Variants in ARPIN observed in about 807,000 individuals in gnomAD.
ARPIN encodes the protein UPF0552 protein C15orf38.
Under a neutral mutation model 25.9 loss-of-function variants are expected in ARPIN, and 23 were observed. The observed-to-expected ratio is 0.89, with a 90% CI of 0.64 to 1.26. The LOEUF is 1.26. ARPIN is among the 50% of genes most tolerant of loss of function. The pLI, the probability that ARPIN is intolerant of heterozygous loss-of-function variation, is 0.00. For synonymous variants in ARPIN, 126 were observed against 131.4 expected, an observed-to-expected ratio of 0.96 and a Z score of 0.28; for missense variants, 333 against 312.2, an observed-to-expected ratio of 1.07 and a Z score of -0.50.
In ARPIN at chr15:89,898,113, C is replaced by CA. The variant is rs1455444738; in HGVS notation, c.*3681dup. The CA allele has an allele frequency of 0.013, 1,398 of 106,362 alleles. 12 individuals are homozygous for CA. The highest frequency in any genetic ancestry group is 0.026 in the African/African-American group (734 of 28,262). The allele number at this position is 106,362 out of a possible 1,614,324, so 6.6% of individuals were successfully genotyped here. Reference sequence around the variant, plus strand: ...GGGCAACAAGAGCGAAATTCCATCTCAAAAAAAAAAAAAAGAAAGAAAGAA... The same window carrying CA: ...GGGCAACAAGAGCGAAATTCCATCTCAAAAAAAAAAAAAAAGAAAGAAAGAA... On this transcript the variant is annotated 3_prime_UTR_variant, in exon 6 of 6. Coordinates refer to ENST00000357484, the MANE Select transcript of ARPIN (RefSeq NM_182616.4).
intron 3 of ARPIN, among the ~76,000 whole-genome samples, chr15:89,907,298 C>T (rs751967405): frequency 9.2e-5 from 14 of 152,026 alleles, no homozygotes; most frequent in Non-Finnish European, 1.9e-4. Context: ...GAACTCCTGA[C>T]CTCAAGTGAT....
chr15:89,911,345 G>A lies in ARPIN; in HGVS notation c.93-526C>T, dbSNP rs139669622. ...TTAACCCGAGGAAATGGTTATTACTGAGAGGTGAAGAAACCAAAACTCAGA... is the reference window on the plus strand; with the variant it reads ...TTAACCCGAGGAAATGGTTATTACTAAGAGGTGAAGAAACCAAAACTCAGA... On this transcript the variant is annotated intron_variant, in intron 1 of 5. Transcript: ENST00000357484. Among the ~76,000 whole-genome samples the A allele has an allele frequency of 6.6e-5, 10 of 152,222 alleles. No homozygotes were observed. In the East Asian group the frequency reaches 1.7e-3, roughly 26 times the overall value.
intron 2 of ARPIN, among the ~76,000 whole-genome samples, chr15:89,910,063 G>A (rs780301327): frequency 5.3e-5 from 8 of 152,204 alleles, no homozygotes; most frequent in Non-Finnish European, 1.0e-4. Context: ...GTGTGCTAAG[G>A]AGGGGAGGGT....
intron 1 of ARPIN, chr15:89,912,371 G>A: frequency 1.9e-6 from 2 of 1,031,416 alleles, no homozygotes; most frequent in African/African-American, 3.4e-5. Context: ...TGTCCCTTCT[G>A]GGGCAGGGCA....
Position 89,899,335 on chromosome 15 carries a change from TCGGCC to T in ARPIN, c.*2455_*2459del. On this transcript the variant is annotated 3_prime_UTR_variant, in exon 6 of 6. Transcript: ENST00000357484. ...CCTGACCTCAAGTGATCCGCCCACCTCGGCCTCCCAAAGTGCTAAGATTACAGGCG... is the reference window on the plus strand; with the variant it reads ...CCTGACCTCAAGTGATCCGCCCACCTTCCCAAAGTGCTAAGATTACAGGCG... 1 of 152,398 alleles carries T rather than the reference TCGGCC, an allele frequency of 6.6e-6. No individual in the cohort carries two copies. Among genetic ancestry groups the T allele is most frequent in the Non-Finnish European group, 1.5e-5 (1 of 68,262 alleles). 9.4% of individuals were successfully genotyped at this position (152,398 alleles called of 1,614,324 possible). A position where few individuals can be genotyped will look rare whatever the true frequency, so the allele number is the denominator to read the frequency against.
chr15:89,903,671 G>A, intron 4 of ARPIN, 106 bp downstream of exon 4: 10 of 1,525,510 alleles, frequency 6.6e-6, no homozygotes, highest in Non-Finnish European at 8.0e-6. Flanking sequence ...TGTCCCCATG[G>A]AGGCCAGCCC....
Position 89,912,850 on chromosome 15 carries a change from G to C in ARPIN, c.-15C>G, listed in dbSNP as rs780782720. On this transcript the variant is annotated 5_prime_UTR_variant, in exon 1 of 6. Coordinates refer to ENST00000357484, the MANE Select transcript of ARPIN (RefSeq NM_182616.4). ...ATGCGGCTCATTCTCCCGACCGCCC[G>C]GGCACCCCGGCACAGAGCCGGCGCA... 8 of 1,516,956 alleles carry C rather than the reference G, an allele frequency of 5.3e-6. No individual in the cohort carries two copies. The African/African-American group carries it at 5.8e-5, about 11-fold the overall frequency. 94.0% of individuals were successfully genotyped at this position (1,516,956 alleles called of 1,614,324 possible). A position where few individuals can be genotyped will look rare whatever the true frequency, so the allele number is the denominator to read the frequency against.
At chr15:89,907,601 C>T (rs1897145168) in intron 3 of ARPIN, among the ~76,000 whole-genome samples, 1 of 152,116 alleles carries the variant, frequency 6.6e-6, no homozygotes. Flanking sequence ...TCTGCTGGCA[C>T]CCTGACCTTG....
At position 89,903,765 on chromosome 15, in the gene ARPIN, T is replaced by G; in HGVS notation, c.508+12A>C. The G allele has an allele frequency of 6.2e-7, 1 of 1,613,978 alleles. No homozygotes were observed. Among genetic ancestry groups the G allele is most frequent in the Non-Finnish European group, 8.5e-7 (1 of 1,179,930 alleles). On this transcript the variant is annotated intron_variant, in intron 4 of 5. Transcript: ENST00000357484. ...AGGAACAGTGGGCCACAGTGAGGGT[T>G]GCATTGCTCACCCAGGAAGGGACCA...
intron 2 of ARPIN, 96 bp from the exon 3 acceptor site, chr15:89,908,508 C>A: frequency 1.3e-6 from 2 of 1,552,384 alleles, no homozygotes; most frequent in Non-Finnish European, 1.7e-6. Flanking sequence ...CACATCTACC[C>A]TAGAAGCCCA....
At chr15:89,907,510 C>T (rs189949897) in intron 3 of ARPIN, among the ~76,000 whole-genome samples, 93 of 152,292 alleles carry the variant, frequency 6.1e-4, no homozygotes, top group Middle Eastern at 3.4e-3. Context: ...AAGAGAGAGC[C>T]GCCTTGCCTT....
At chr15:89,912,701 C>A (rs769350024) in intron 1 of ARPIN, 43 bp downstream of exon 1, 1 of 1,016,112 alleles carries the variant, frequency 9.8e-7, no homozygotes, top group Non-Finnish European at 1.3e-6. Context: ...GGGTTCGAGC[C>A]GGGGCAGGGG....
In ARPIN at chr15:89,901,025, T is replaced by A. The variant is rs1029804180; in HGVS notation, c.*770A>T. On this transcript the variant is annotated 3_prime_UTR_variant, in exon 6 of 6. Transcript: ENST00000357484. Reference sequence around the variant, plus strand: ...GGAACGCTGTTGGCCTCTCTGGGAATGGCATCTACCAGGAAAGCAGCCAGG... The same window carrying A: ...GGAACGCTGTTGGCCTCTCTGGGAAAGGCATCTACCAGGAAAGCAGCCAGG... The A allele has an allele frequency of 2.6e-5, 4 of 152,172 alleles. No individual in the cohort carries two copies. Among genetic ancestry groups the A allele is most frequent in the African/African-American group, 9.7e-5 (4 of 41,412 alleles). 9.4% of individuals were successfully genotyped at this position (152,172 alleles called of 1,614,324 possible).
rs1314642983 is a variant in ARPIN at position 89,895,160 on chromosome 15, GAA to G, written c.*6633_*6634del. The stretch of plus-strand genomic sequence containing the variant: ...GTGTTATTACAGGGGAAAATGGGAA[GAA>G]AATTATTACAAAAATGAGAAATTGG... On this transcript the variant is annotated 3_prime_UTR_variant, in exon 6 of 6. Transcript: ENST00000357484. 1.3e-5 allele frequency: 2 copies of G among 152,028 alleles called. No individual in the cohort carries two copies. Among genetic ancestry groups the G allele is most frequent in the Non-Finnish European group, 2.9e-5 (2 of 68,000 alleles). The allele number at this position is 152,028 out of a possible 1,614,324, so 9.4% of individuals were successfully genotyped here. A position where few individuals can be genotyped will look rare whatever the true frequency, so the allele number is the denominator to read the frequency against.
chr15:89,904,718 C>T (rs1456493540), intron 3 of ARPIN, among the ~76,000 whole-genome samples: 1 of 152,242 alleles, frequency 6.6e-6, no homozygotes, highest in Admixed American at 6.5e-5. Flanking sequence ...CACAGCAACC[C>T]CGGAGCTTGT....
Position 89,896,494 on chromosome 15 carries a change from A to G in ARPIN, c.*5301T>C. The G allele has an allele frequency of 6.6e-6, 1 of 152,240 alleles. No homozygotes were observed. Among genetic ancestry groups the G allele is most frequent in the East Asian group, 1.9e-4 (1 of 5,204 alleles). 9.4% of individuals were successfully genotyped at this position (152,240 alleles called of 1,614,324 possible). On this transcript the variant is annotated 3_prime_UTR_variant, in exon 6 of 6. Coordinates refer to ENST00000357484, the MANE Select transcript of ARPIN (RefSeq NM_182616.4). ...TTGAAAATAAGTAGTTAGGTATAAA[A>G]CCAGATAATAACCTAAACAGAAGAA...
At chr15:89,905,236 G>A (rs1317489463) in intron 3 of ARPIN, among the ~76,000 whole-genome samples, 2 of 151,908 alleles carry the variant, frequency 1.3e-5, no homozygotes, top group Non-Finnish European at 2.9e-5. Context: ...TGGCCAGGCT[G>A]GTCTCAAACT....
chr15:89,911,229 G>A (rs1302677459), intron 1 of ARPIN, among the ~76,000 whole-genome samples: 1 of 152,196 alleles, frequency 6.6e-6, no homozygotes, highest in Non-Finnish European at 1.5e-5. Flanking sequence ...AAATGTGAGG[G>A]TAGGTATCTA....
chr15:89,895,174 A>G lies in ARPIN; in HGVS notation c.*6621T>C, dbSNP rs1029556348. 1 of 152,168 alleles carries G rather than the reference A, an allele frequency of 6.6e-6. No homozygotes were observed. 9.4% of individuals were successfully genotyped at this position (152,168 alleles called of 1,614,324 possible). On this transcript the variant is annotated 3_prime_UTR_variant, in exon 6 of 6. Transcript: ENST00000357484. ...GAAAATGGGAAGAAAATTATTACAA[A>G]AATGAGAAATTGGTTAAGTGCATTG...
Sources: gnomAD v4.1 joint callset for allele counts (sites outside exome capture counted in the v4.1 genomes callset) on GRCh38, gnomAD v4.1.1 for gene constraint, MANE v1.5 for transcripts, NCBI Gene and HGNC (gene_info 2026-07-23, HGNC 2026-07-21) for gene names.